PGBD5: variants seen among roughly 807,000 people sequenced by gnomAD.
The protein encoded by PGBD5 is piggyBac transposable element-derived protein 5.
A neutral mutation model predicts 47.9 loss-of-function variants in PGBD5; 14 were observed. The observed-to-expected ratio is 0.29, with a 90% CI of 0.19 to 0.46. The LOEUF (loss-of-function observed/expected upper bound fraction) is 0.46. Ranked by LOEUF, PGBD5 falls within the 20% of genes least tolerant of loss-of-function variation. The probability of loss-of-function intolerance (pLI) is 1.00; values close to 1 mark genes in which losing one functional copy is unlikely to be tolerated. For missense variants in PGBD5, 635 were observed against 716.0 expected, an observed-to-expected ratio of 0.89 and a Z score of 1.29; for synonymous variants, 316 against 306.3, an observed-to-expected ratio of 1.03 and a Z score of -0.33.
chr1:230,335,770 G>GACACACACAC (rs1558192737), intron 4 of PGBD5, among the ~76,000 whole-genome samples: 3 of 356 alleles, frequency 8.4e-3, no homozygotes, highest in Admixed American at 0.029. Flanking sequence ...CACAGATACA[G>GACACACACAC]ACAGACACAC....
intron 2 of PGBD5, among the ~76,000 whole-genome samples, chr1:230,353,521 G>C (rs1667589766): frequency 6.6e-6 from 1 of 152,188 alleles, no homozygotes; most frequent in Non-Finnish European, 1.5e-5. Context: ...GGTCACAGCT[G>C]CTGGAATAAA....
chr1:230,390,374 C>T (rs1656754845), intron 1 of PGBD5, among the ~76,000 whole-genome samples: 1 of 152,192 alleles, frequency 6.6e-6, no homozygotes, highest in Non-Finnish European at 1.5e-5. Flanking sequence ...GAAGCCCAAA[C>T]CCCATTCTTG....
chr1:230,404,901 G>A (rs1657262635), intron 1 of PGBD5, among the ~76,000 whole-genome samples: 1 of 141,180 alleles, frequency 7.1e-6, no homozygotes, highest in Admixed American at 7.9e-5. Flanking sequence ...CTCTAGCCTG[G>A]GCAACAAGAG....
At chr1:230,330,613 C>T (rs1667198561) in intron 5 of PGBD5, among the ~76,000 whole-genome samples, 1 of 152,168 alleles carries the variant, frequency 6.6e-6, no homozygotes, top group Non-Finnish European at 1.5e-5. Flanking sequence ...TTCCCCCAGG[C>T]AATTTCCCAC....
chr1:230,398,421 A>C (rs11122501), intron 1 of PGBD5, among the ~76,000 whole-genome samples: 18,382 of 152,110 alleles, frequency 0.12, 1,312 homozygotes, highest in East Asian at 0.21. Context: ...CTGGGACACC[A>C]ATCAGATTGG....
chr1:230,332,052 CA>C (rs1558191336), intron 5 of PGBD5, among the ~76,000 whole-genome samples: 17 of 142,608 alleles, frequency 1.2e-4, no homozygotes, highest in Non-Finnish European at 2.1e-4. Context: ...ACAGCACACA[CA>C]ACATGCCAGG....
chr1:230,377,474 AG>A (rs1314117355), intron 1 of PGBD5: 50 of 1,610,708 alleles, frequency 3.1e-5, no homozygotes, highest in Non-Finnish European at 4.1e-5. Flanking sequence ...CAGAGCTGGA[AG>A]GGCCTTACTA....
At chr1:230,334,122 G>A (rs1667265516) in intron 4 of PGBD5, among the ~76,000 whole-genome samples, 1 of 152,316 alleles carries the variant, frequency 6.6e-6, no homozygotes, top group African/African-American at 2.4e-5. Context: ...CTGGAAGAAG[G>A]ACAGTTGAAT....
At chr1:230,380,836 C>A (rs572809216) in intron 1 of PGBD5, among the ~76,000 whole-genome samples, 1 of 152,324 alleles carries the variant, frequency 6.6e-6, no homozygotes, top group East Asian at 1.9e-4. Context: ...CAAGAGAAAG[C>A]TTAAGTGGAA....
At chr1:230,362,145 G>C in intron 1 of PGBD5, 2 of 1,194,156 alleles carry the variant, frequency 1.7e-6, no homozygotes, top group Non-Finnish European at 2.1e-6. Context: ...TGAGCACCAC[G>C]TGACCATGCT....
At chr1:230,424,212 G>C (rs1267708546) in intron 1 of PGBD5, among the ~76,000 whole-genome samples, 2 of 152,184 alleles carry the variant, frequency 1.3e-5, no homozygotes, top group Non-Finnish European at 2.9e-5. Context: ...AATTCTTAAA[G>C]AGCCAATAGG....
intron 1 of PGBD5, among the ~76,000 whole-genome samples, chr1:230,358,380 C>T (rs141604538): frequency 1.7e-3 from 264 of 152,166 alleles, no homozygotes; most frequent in Non-Finnish European, 3.1e-3. Flanking sequence ...TAAGTTGAGG[C>T]GGTTTTGTAA....
intron 1 of PGBD5, among the ~76,000 whole-genome samples, chr1:230,412,972 G>T (rs1657444379): frequency 6.6e-6 from 1 of 152,060 alleles, no homozygotes; most frequent in Admixed American, 6.5e-5. Context: ...AAGTTTCAGG[G>T]TAACATACAG....
intron 1 of PGBD5, among the ~76,000 whole-genome samples, chr1:230,377,902 G>A (rs1668038977): frequency 6.6e-6 from 1 of 152,176 alleles, no homozygotes; most frequent in Non-Finnish European, 1.5e-5. Context: ...GACCAGTGAG[G>A]CCAAATAAGA....
chr1:230,337,121 C>A lies in PGBD5; in HGVS notation c.1062G>T (p.Glu354Asp), dbSNP rs763004626. Residue 354 changes from glutamate to aspartate, a missense_variant, in exon 4 of 7, where the codon GAG becomes GAT. Coordinates refer to ENST00000391860, the MANE Select transcript of PGBD5 (RefSeq NM_001258311.2). ...PSITSLTLFE[E>D]FEKQGIYCCG... is the part of the protein sequence containing the mutation. Reference sequence around the variant, plus strand: ...CACTTGACTAACCTTGCTTCTCAAACTCTTCAAACAGCGTCAGGCTGGTGA... The same window carrying A: ...CACTTGACTAACCTTGCTTCTCAAAATCTTCAAACAGCGTCAGGCTGGTGA... 1.2e-6 allele frequency: 2 copies of A among 1,613,978 alleles called. No individual in the cohort carries two copies. Among genetic ancestry groups the A allele is most frequent in the South Asian group, 2.2e-5 (2 of 91,000 alleles).
intron 3 of PGBD5, among the ~76,000 whole-genome samples, chr1:230,342,357 T>G (rs1667418426): frequency 6.6e-6 from 1 of 152,198 alleles, no homozygotes. Flanking sequence ...AGAGCATATT[T>G]GGGGGAAGGG....
intron 1 of PGBD5, among the ~76,000 whole-genome samples, chr1:230,358,778 T>C (rs1045190679): frequency 3.3e-5 from 5 of 152,224 alleles, no homozygotes; most frequent in African/African-American, 9.6e-5. Context: ...CACAGGTTTG[T>C]AGTCTAGGAG....
chr1:230,364,999 G>A lies in PGBD5; in HGVS notation c.332-7678C>T, dbSNP rs548181273. 7.8e-5 allele frequency among the ~76,000 whole-genome samples: 11 copies of A among 141,334 alleles called. No homozygotes were observed. In the East Asian group the frequency reaches 1.9e-3, roughly 25 times the overall value. 92.7% of individuals were successfully genotyped at this position (141,334 alleles called of 152,430 possible). On this transcript the variant is annotated intron_variant, in intron 1 of 6. Transcript: ENST00000391860. ...CATGCCACTGTACTCCAGCCTGGGC[G>A]ACAGAAAGAGACTCCATCTCAAAAA... is the stretch of plus-strand genomic sequence containing the variant.
chr1:230,319,967 T>C lies in PGBD5; in HGVS notation c.*3458A>G, dbSNP rs1240757357. 1 of 149,698 alleles carries C rather than the reference T, an allele frequency of 6.7e-6. No individual in the cohort carries two copies. The highest frequency in any genetic ancestry group is 1.5e-5 in the Non-Finnish European group (1 of 67,752). The allele number at this position is 149,698 out of a possible 1,614,324, so 9.3% of individuals were successfully genotyped here. A position where few individuals can be genotyped will look rare whatever the true frequency, so the allele number is the denominator to read the frequency against. On this transcript the variant is annotated 3_prime_UTR_variant, in exon 7 of 7. Transcript: ENST00000391860. Reference sequence around the variant, plus strand: ...CAGCCTCTGCTTCCCGGATTCAAGATATTCTCCTGCTTAGCCTCCCGAGTA... The same window carrying C: ...CAGCCTCTGCTTCCCGGATTCAAGACATTCTCCTGCTTAGCCTCCCGAGTA...
Sources: allele counts gnomAD v4.1 joint callset (sites outside exome capture counted in the v4.1 genomes callset), GRCh38; gene constraint gnomAD v4.1.1; transcripts MANE v1.5; gene names NCBI Gene and HGNC (gene_info 2026-07-23, HGNC 2026-07-21).